DIAPH1: variants seen among roughly 807,000 people sequenced by gnomAD.
The protein encoded by DIAPH1 is protein diaphanous homolog 1.
A neutral mutation model predicts 140.7 loss-of-function variants in DIAPH1; 46 were observed. The ratio of observed to expected loss-of-function variants is 0.33; its 90% CI spans 0.26 to 0.42. The LOEUF is 0.42. Ranked by LOEUF, DIAPH1 falls within the 10% of genes least tolerant of loss-of-function variation. The pLI is 1.00. For missense variants in DIAPH1, 1,310 were observed against 1,558.7 expected, an observed-to-expected ratio of 0.84 and a Z score of 2.69; for synonymous variants, 565 against 551.6, an observed-to-expected ratio of 1.02 and a Z score of -0.34.
At chr5:141,577,172 TC>T (rs973587357) in intron 12 of DIAPH1, among the ~76,000 whole-genome samples, 4 of 152,198 alleles carry the variant, frequency 2.6e-5, no homozygotes, top group Non-Finnish European at 5.9e-5. Context: ...AATCTATACT[TC>T]CAGGAAACTA....
chr5:141,591,695 G>GATATACATAT (rs2099898443), intron 1 of DIAPH1, among the ~76,000 whole-genome samples: 1 of 86,326 alleles, frequency 1.2e-5, no homozygotes, highest in Non-Finnish European at 2.2e-5. Flanking sequence ...GGGAGATGGG[G>GATATACATAT]ATATATATAT....
intron 18 of DIAPH1, among the ~76,000 whole-genome samples, chr5:141,550,338 G>A (rs902187350): frequency 2.0e-5 from 3 of 152,142 alleles, no homozygotes; most frequent in African/African-American, 4.8e-5. Flanking sequence ...ATAACAAAGA[G>A]TCTGACTTCA....
At chr5:141,606,425 C>T (rs1420476698) in intron 1 of DIAPH1, among the ~76,000 whole-genome samples, 1 of 152,260 alleles carries the variant, frequency 6.6e-6, no homozygotes, top group South Asian at 2.1e-4. Flanking sequence ...GACAGAGTCT[C>T]GCTCTGTCGC....
rs761061179 is a variant in DIAPH1 at position 141,618,856 on chromosome 5, C to T, written c.59G>A (p.Gly20Asp). ...PGRGTRDKKK[G>D]RSPDELPSAG... ...CGAGGGCAGCTCATCTGGGCTCCGG[C>T]CCTTCTTCTTGTCCCGGGTCCCGCG... The change falls in exon 1 of 28, where the codon GGC becomes GAC. Residue 20 changes from glycine to aspartate, a missense_variant. Physicochemically the swap from Gly to Asp is moderately conservative, Grantham distance 94. Transcript: ENST00000389054. 6.5e-7 allele frequency: 1 copy of T among 1,535,302 alleles called. No individual in the cohort carries two copies. The highest frequency in any genetic ancestry group is 2.0e-5 in the Admixed American group (1 of 49,700).
intron 3 of DIAPH1, among the ~76,000 whole-genome samples, chr5:141,584,798 A>T (rs2099897282): frequency 6.6e-6 from 1 of 152,198 alleles, no homozygotes; most frequent in Non-Finnish European, 1.5e-5. Flanking sequence ...TACATATATA[A>T]CAACCATGTG....
At chr5:141,537,461 C>T (rs1432867220) in intron 18 of DIAPH1, among the ~76,000 whole-genome samples, 1 of 33,078 alleles carries the variant, frequency 3.0e-5, no homozygotes. Context: ...GCAGCCTGGG[C>T]AAAAAGAGCA....
chr5:141,552,193 G>T (rs979332817), intron 18 of DIAPH1, among the ~76,000 whole-genome samples: 4 of 143,448 alleles, frequency 2.8e-5, no homozygotes, highest in Non-Finnish European at 4.6e-5. Flanking sequence ...TGTTTTTGTT[G>T]TTTTTTTTTT....
chr5:141,576,718 G>T, intron 13 of DIAPH1, 38 bp downstream of exon 13: 1 of 1,296,752 alleles, frequency 7.7e-7, no homozygotes, highest in Non-Finnish European at 1.1e-6. Context: ...AAAGGAAGAA[G>T]CAATACTTGG....
In DIAPH1 at chr5:141,528,846, C is replaced by T; in HGVS notation, c.2874G>A (p.Val958=). Reference sequence around the variant, plus strand: ...ACTCCTCACATGCAGCAGTGACAGACACAATCTCTGGCTTGATATTCTCCA... The same window carrying T: ...ACTCCTCACATGCAGCAGTGACAGATACAATCTCTGGCTTGATATTCTCCA... ...EQVENIKPEI[V]SVTAACEELR... Residue 958 remains valine, a synonymous_variant, in exon 22 of 28, where the codon GTG becomes GTA. Coordinates refer to ENST00000389054, the MANE Select transcript of DIAPH1 (RefSeq NM_005219.5). 1.2e-6 allele frequency: 2 copies of T among 1,614,248 alleles called. No homozygotes were observed. Among genetic ancestry groups the T allele is most frequent in the Non-Finnish European group, 1.7e-6 (2 of 1,180,044 alleles).
rs369528843 is a variant in DIAPH1 at position 141,540,126 on chromosome 5, C to CT, written c.2483-5694dup. Among the ~76,000 whole-genome samples, 801 of 150,920 alleles carry CT rather than the reference C, an allele frequency of 5.3e-3. 9 individuals are homozygous for CT. Among genetic ancestry groups the CT allele is most frequent in the African/African-American group, 0.019 (770 of 41,152 alleles). On this transcript the variant is annotated intron_variant, in intron 18 of 27. Coordinates refer to ENST00000389054, the MANE Select transcript of DIAPH1 (RefSeq NM_005219.5). ...CATAAGGCATAAGGTTGTTTTTTTT[C>CT]TTTTTTTTGAGACGGAGTCTTGCTC...
In DIAPH1 at chr5:141,582,122, C is replaced by T. The variant is rs972520174; in HGVS notation, c.684+190G>A. 5.9e-5 allele frequency: 12 copies of T among 202,672 alleles called. No homozygotes were observed. The East Asian group carries it at 9.5e-4, about 16-fold the overall frequency. The allele number at this position is 202,672 out of a possible 1,614,324, so 12.6% of individuals were successfully genotyped here. On this transcript the variant is annotated intron_variant, in intron 7 of 27. Transcript: ENST00000389054. ...ACAAAATTGAGCCTGTCCTCTGAAA[C>T]AGAAGTTAGAACTGAGAAAAAAATA...
At chr5:141,543,887 C>T (rs866872853) in intron 18 of DIAPH1, among the ~76,000 whole-genome samples, 12 of 152,182 alleles carry the variant, frequency 7.9e-5, no homozygotes, top group South Asian at 4.1e-4. Flanking sequence ...TGCATATAGA[C>T]AAGCATGCAT....
At chr5:141,518,630 C>T in intron 27 of DIAPH1, 1 of 319,540 alleles carries the variant, frequency 3.1e-6, no homozygotes, top group Non-Finnish European at 6.0e-6. Context: ...TCAAGTGATC[C>T]ACCCACCTCA....
rs145828915 is a variant in DIAPH1, at chr5:141,609,716, T to C, written c.117+9082A>G. Among the ~76,000 whole-genome samples the C allele has an allele frequency of 2.0e-5, 3 of 152,318 alleles. No homozygotes were observed. In the East Asian group the frequency reaches 5.8e-4, roughly 29 times the overall value. ...GTCTGGAATGAATTAATTTTCCTTA[T>C]CTATAAAGATGCTAAACATTCATTA... On this transcript the variant is annotated intron_variant, in intron 1 of 27. Transcript: ENST00000389054.
At chr5:141,550,924 G>A (rs917541104) in intron 18 of DIAPH1, among the ~76,000 whole-genome samples, 1 of 152,182 alleles carries the variant, frequency 6.6e-6, no homozygotes, top group Non-Finnish European at 1.5e-5. Context: ...AATTTTAAGT[G>A]GGGGTCTATA....
chr5:141,540,361 C>T (rs893052827), intron 18 of DIAPH1, among the ~76,000 whole-genome samples: 3 of 151,956 alleles, frequency 2.0e-5, no homozygotes, highest in Non-Finnish European at 4.4e-5. Context: ...CGGCTCACTG[C>T]AACCTACGCC....
chr5:141,606,961 TAAAA>T (rs200373966), intron 1 of DIAPH1, among the ~76,000 whole-genome samples: 1 of 116,384 alleles, frequency 8.6e-6, no homozygotes. Context: ...CCAAGGCTAT[TAAAA>T]AAAAAAAAAA....
At chr5:141,577,454 C>T in intron 12 of DIAPH1, 21 bp downstream of exon 12, 1 of 1,524,082 alleles carries the variant, frequency 6.6e-7, no homozygotes, top group Non-Finnish European at 9.1e-7. Flanking sequence ...TTCAAAACTT[C>T]TCATAAGCAC....
At chr5:141,588,329 G>A in intron 1 of DIAPH1, 79 bp from the exon 2 acceptor site, 1 of 1,087,598 alleles carries the variant, frequency 9.2e-7, no homozygotes, top group East Asian at 2.4e-5. Context: ...CACCAGACGG[G>A]TTGGGGAAAA....
Sources: gnomAD v4.1 joint callset for allele counts (sites outside exome capture counted in the v4.1 genomes callset) on GRCh38, gnomAD v4.1.1 for gene constraint, MANE v1.5 for transcripts, NCBI Gene and HGNC (gene_info 2026-07-23, HGNC 2026-07-21) for gene names.